Variants in FER1L6 observed in about 807,000 individuals in gnomAD.
FER1L6 encodes the protein fer-1-like protein 6.
A neutral mutation model predicts 219.2 loss-of-function variants in FER1L6; 177 were observed. The observed-to-expected ratio is 0.81, with a 90% CI of 0.71 to 0.91. FER1L6 has a LOEUF of 0.91. Ranked by LOEUF, FER1L6 falls within the 40% of genes least tolerant of loss-of-function variation. The pLI, the probability that FER1L6 is intolerant of heterozygous loss-of-function variation, is 0.00. For missense variants in FER1L6, 2,153 were observed against 2,259.9 expected, an observed-to-expected ratio of 0.95 and a Z score of 0.96; for synonymous variants, 768 against 824.3, an observed-to-expected ratio of 0.93 and a Z score of 1.17.
intron 33 of FER1L6, among the ~76,000 whole-genome samples, chr8:124,090,727 CAGCTAGTTTT>C (rs1461774818): frequency 2.0e-5 from 3 of 152,138 alleles, no homozygotes; most frequent in Non-Finnish European, 4.4e-5. Context: ...TTTAACCAAA[CAGCTAGTTTT>C]TAAGGAAAGA....
intron 37 of FER1L6, among the ~76,000 whole-genome samples, chr8:124,099,579 C>G (rs1010217887): frequency 6.6e-6 from 1 of 152,158 alleles, no homozygotes; most frequent in Admixed American, 6.5e-5. Flanking sequence ...CACAGCAATA[C>G]CAATGCCATC....
intron 1 of FER1L6, among the ~76,000 whole-genome samples, chr8:123,944,817 C>T (rs142689125): frequency 6.6e-6 from 1 of 152,210 alleles, no homozygotes; most frequent in East Asian, 1.9e-4. Context: ...TGGCAAAGTG[C>T]TTGGAGGAGT....
In FER1L6 at chr8:124,013,537, G is replaced by A. The variant is rs756779739; in HGVS notation, c.1922+6G>A. 14 of 1,578,502 alleles carry A rather than the reference G, an allele frequency of 8.9e-6. No homozygotes were observed. The highest frequency in any genetic ancestry group is 4.1e-5 in the African/African-American group (3 of 73,316). On this transcript the variant is annotated splice_donor_region_variant and intron_variant, in intron 15 of 40. Transcript: ENST00000522917. ...GACTTCATCAGTCGGAGCAGGTACCGGGAGAGACAGCCGGCATAGGCGGAG... is the reference window on the plus strand; with the variant it reads ...GACTTCATCAGTCGGAGCAGGTACCAGGAGAGACAGCCGGCATAGGCGGAG...
intron 1 of FER1L6, among the ~76,000 whole-genome samples, chr8:123,935,851 T>C (rs965346218): frequency 1.3e-5 from 2 of 151,796 alleles, no homozygotes; most frequent in African/African-American, 4.8e-5. Flanking sequence ...TTTTTGGTGC[T>C]GTCATGTCTG....
chr8:124,034,755 A>C (rs910603006), intron 18 of FER1L6, among the ~76,000 whole-genome samples: 2 of 152,214 alleles, frequency 1.3e-5, no homozygotes, highest in African/African-American at 4.8e-5. Context: ...CTTCTACATG[A>C]AACAAAGAGG....
chr8:124,042,124 A>C (rs12375254), intron 20 of FER1L6, among the ~76,000 whole-genome samples: 125,127 of 152,142 alleles, frequency 0.82, 51,759 homozygotes, highest in Non-Finnish European at 0.87. Context: ...GGCCTTAGTG[A>C]AGTACAGGAT....
In FER1L6 at chr8:124,101,061, C is replaced by T. The variant is rs568068373; in HGVS notation, c.4884-36C>T. The T allele has an allele frequency of 5.0e-6, 8 of 1,601,534 alleles. No homozygotes were observed. In the South Asian group the frequency reaches 5.5e-5, roughly 11 times the overall value. On this transcript the variant is annotated intron_variant, in intron 37 of 40. Transcript: ENST00000522917. ...ATTATACTGATGCCTGGAGAATGTACTCTGAGTGTTTAAATTATTTTGAAT... is the reference window on the plus strand; with the variant it reads ...ATTATACTGATGCCTGGAGAATGTATTCTGAGTGTTTAAATTATTTTGAAT...
chr8:123,856,181 A>C, intron 1 of FER1L6, among the ~76,000 whole-genome samples: 1 of 97,922 alleles, frequency 1.0e-5, no homozygotes, highest in African/African-American at 3.9e-5. Context: ...AGATATATGT[A>C]TATACATATG....
intron 5 of FER1L6, among the ~76,000 whole-genome samples, chr8:123,966,852 C>A (rs1031353944): frequency 6.6e-6 from 1 of 152,060 alleles, no homozygotes; most frequent in Non-Finnish European, 1.5e-5. Flanking sequence ...GAGGCCACGG[C>A]GTGCGGATCA....
chr8:123,977,380 CCTTCCATGACTCATGTCCT>C lies in FER1L6; in HGVS notation c.871-35_871-17del. The stretch of plus-strand genomic sequence containing the variant: ...AAGAGTTTTCTGTAGTCAGTCAGTC[CCTTCCATGACTCATGTCCT>C]CCTGGCTGTGTTTTTAGGGGCGAAC... On this transcript the variant is annotated intron_variant, in intron 9 of 40. Transcript: ENST00000522917. 1.3e-6 allele frequency: 2 copies of C among 1,580,240 alleles called. No homozygotes were observed. Among genetic ancestry groups the C allele is most frequent in the South Asian group, 2.3e-5 (2 of 87,580 alleles).
intron 1 of FER1L6, among the ~76,000 whole-genome samples, chr8:123,924,328 G>A (rs1290611424): frequency 1.3e-5 from 2 of 151,766 alleles, no homozygotes; most frequent in Middle Eastern, 3.4e-3. Flanking sequence ...ATCATCTGAG[G>A]TCAGGAGTTC....
At chr8:123,894,827 G>A (rs1812718472) in intron 1 of FER1L6, among the ~76,000 whole-genome samples, 1 of 152,120 alleles carries the variant, frequency 6.6e-6, no homozygotes, top group Non-Finnish European at 1.5e-5. Context: ...TGACTAAGGT[G>A]GGCACAATTT....
intron 12 of FER1L6, among the ~76,000 whole-genome samples, chr8:123,989,597 A>G (rs1816755201): frequency 6.6e-6 from 1 of 152,108 alleles, no homozygotes; most frequent in African/African-American, 2.4e-5. Context: ...AAAGTCCATT[A>G]TACCACTCTG....
chr8:124,040,193 G>A (rs1819421829), intron 20 of FER1L6, among the ~76,000 whole-genome samples, 187 bp downstream of exon 20: 1 of 152,188 alleles, frequency 6.6e-6, no homozygotes, highest in Non-Finnish European at 1.5e-5. Flanking sequence ...TTGTTTCAGT[G>A]TGATTCATTG....
intron 22 of FER1L6, among the ~76,000 whole-genome samples, chr8:124,054,424 G>T (rs1820187766): frequency 6.6e-6 from 1 of 152,132 alleles, no homozygotes; most frequent in Non-Finnish European, 1.5e-5. Context: ...CTGCAACAAA[G>T]AACTTTTTTT....
chr8:123,868,064 C>T (rs542687963), intron 1 of FER1L6, among the ~76,000 whole-genome samples: 1 of 152,124 alleles, frequency 6.6e-6, no homozygotes, highest in African/African-American at 2.4e-5. Context: ...TGGCTTTTTT[C>T]CCTCGACATT....
At position 124,091,600 on chromosome 8, in the gene FER1L6, T is replaced by C. The variant is rs376644160; in HGVS notation, c.4552+17T>C. On this transcript the variant is annotated intron_variant, in intron 34 of 40. Coordinates refer to ENST00000522917, the MANE Select transcript of FER1L6 (RefSeq NM_001039112.2). ...AGGACACTGGTAACTCCCTGCAAAA[T>C]ATCCTGCTGGTGTTGCTCTTCTTTT... 6.2e-7 allele frequency: 1 copy of C among 1,609,208 alleles called. No homozygotes were observed. Among genetic ancestry groups the C allele is most frequent in the African/African-American group, 1.3e-5 (1 of 74,850 alleles).
intron 18 of FER1L6, 47 bp from the exon 19 acceptor site, chr8:124,035,230 A>C (rs751919694): frequency 6.3e-7 from 1 of 1,580,470 alleles, no homozygotes; most frequent in Non-Finnish European, 8.6e-7. Flanking sequence ...GGAGGCCTAT[A>C]ATTATCTCCT....
At chr8:124,088,129 C>A (rs1383672163) in intron 33 of FER1L6, among the ~76,000 whole-genome samples, 2 of 152,144 alleles carry the variant, frequency 1.3e-5, no homozygotes, top group Non-Finnish European at 2.9e-5. Flanking sequence ...TGTCCTTCCC[C>A]CCAGGCCTCT....
Sources: allele counts gnomAD v4.1 joint callset (sites outside exome capture counted in the v4.1 genomes callset), GRCh38; gene constraint gnomAD v4.1.1; transcripts MANE v1.5; gene names NCBI Gene and HGNC (gene_info 2026-07-23, HGNC 2026-07-21).